Variants in RERE observed in about 807,000 individuals in gnomAD.
The protein encoded by RERE is arginine-glutamic acid dipeptide repeats protein.
In RERE, 40 loss-of-function variants were observed where a neutral mutation model predicts 146.1. The observed-to-expected ratio is 0.27, with a 90% confidence interval of 0.21 to 0.36. RERE has a LOEUF of 0.36. RERE is among the 10% of genes least tolerant of loss of function. The probability of loss-of-function intolerance (pLI) is 1.00; values close to 1 mark genes in which losing one functional copy is unlikely to be tolerated. For synonymous variants in RERE, 1,003 were observed against 866.0 expected (o/e 1.16, Z -2.78); for missense variants, 1,933 against 2,138.7 (o/e 0.90, Z 1.90).
intron 4 of RERE, among the ~76,000 whole-genome samples, chr1:8,607,435 A>G (rs1320226752): frequency 1.3e-5 from 2 of 151,170 alleles, no homozygotes; most frequent in Non-Finnish European, 2.9e-5. Context: ...AATAAGTAAA[A>G]CCACAAGCTT....
chr1:8,713,037 A>T (rs1352511744), intron 1 of RERE, among the ~76,000 whole-genome samples: 1 of 152,200 alleles, frequency 6.6e-6, no homozygotes, highest in Non-Finnish European at 1.5e-5. Flanking sequence ...ATAACTAGAA[A>T]AGCACATTAT....
At chr1:8,610,643 G>C (rs1358843491) in intron 4 of RERE, among the ~76,000 whole-genome samples, 1 of 152,060 alleles carries the variant, frequency 6.6e-6, no homozygotes, top group Non-Finnish European at 1.5e-5. Context: ...TATAATTCAA[G>C]TCTTACAGGA....
intron 12 of RERE, among the ~76,000 whole-genome samples, chr1:8,373,227 T>C (rs1441096207): frequency 6.6e-6 from 1 of 152,162 alleles, no homozygotes; most frequent in Non-Finnish European, 1.5e-5. Context: ...ACAAATATTT[T>C]AACATGAATA....
chr1:8,491,230 C>G (rs559836531), intron 10 of RERE, among the ~76,000 whole-genome samples: 2 of 150,728 alleles, frequency 1.3e-5, no homozygotes, highest in South Asian at 4.2e-4. Flanking sequence ...CACCTGAGAT[C>G]GGGAGTTCGA....
intron 1 of RERE, among the ~76,000 whole-genome samples, chr1:8,710,927 C>T (rs1167627863): frequency 2.6e-5 from 4 of 151,872 alleles, no homozygotes; most frequent in African/African-American, 9.7e-5. Flanking sequence ...GAGGCCAAGG[C>T]GGGTGGATCA....
At chr1:8,471,376 G>A (rs143270045) in intron 10 of RERE, among the ~76,000 whole-genome samples, 16 of 151,968 alleles carry the variant, frequency 1.1e-4, no homozygotes, top group South Asian at 2.1e-4. Flanking sequence ...GCAGTGGCAC[G>A]ATCATGGCTC....
intron 1 of RERE, among the ~76,000 whole-genome samples, chr1:8,722,749 A>G (rs1321616095): frequency 1.3e-5 from 2 of 152,244 alleles, no homozygotes; most frequent in African/African-American, 4.8e-5. Flanking sequence ...GATGTAAAGT[A>G]TAAGGGAGGA....
chr1:8,452,909 G>C (rs563598736), intron 11 of RERE, among the ~76,000 whole-genome samples: 1 of 152,128 alleles, frequency 6.6e-6, no homozygotes, highest in African/African-American at 2.4e-5. Flanking sequence ...TCTTCGTAAC[G>C]GAATGCCTGA....
chr1:8,728,616 C>T (rs1454887012), intron 1 of RERE, among the ~76,000 whole-genome samples: 1 of 152,160 alleles, frequency 6.6e-6, no homozygotes, highest in Non-Finnish European at 1.5e-5. Flanking sequence ...GCACCTAAAA[C>T]GGAATTTTCT....
chr1:8,807,550 T>C (rs145053283), intron 1 of RERE, among the ~76,000 whole-genome samples: 267 of 152,298 alleles, frequency 1.8e-3, no homozygotes, highest in African/African-American at 6.1e-3. Context: ...TTTCCCTCAA[T>C]TGCCTTTCTT....
chr1:8,808,362 A>G (rs1641729930), intron 1 of RERE, among the ~76,000 whole-genome samples: 1 of 152,130 alleles, frequency 6.6e-6, no homozygotes, highest in South Asian at 2.1e-4. Context: ...GAGTTCACCC[A>G]TTGTCTCCTG....
In RERE at chr1:8,498,704, A is replaced by T. The variant is rs796310051; in HGVS notation, c.880-1175T>A. ...GAGCAAGACTCCATCTCAAAAAAAA[A>T]AAAAATAAAAAAAAAAAAATAAATA... is the stretch of plus-strand genomic sequence containing the variant. On this transcript the variant is annotated intron_variant, in intron 8 of 22. Coordinates refer to ENST00000400908, the MANE Select transcript of RERE (RefSeq NM_001042681.2). Among the ~76,000 whole-genome samples the T allele has an allele frequency of 4.5e-4, 61 of 134,622 alleles. 1 individual carries two copies. The highest frequency in any genetic ancestry group is 1.4e-3 in the South Asian group (6 of 4,362). The allele number at this position is 134,622 out of a possible 152,430, so 88.3% of individuals were successfully genotyped here. A position where few individuals can be genotyped will look rare whatever the true frequency, so the allele number is the denominator to read the frequency against.
At chr1:8,707,128 C>T (rs1272904396) in intron 1 of RERE, among the ~76,000 whole-genome samples, 2 of 152,100 alleles carry the variant, frequency 1.3e-5, no homozygotes, top group South Asian at 4.2e-4. Flanking sequence ...CCATAACACC[C>T]GTCATTTATC....
At chr1:8,640,811 G>A (rs1326478054) in intron 2 of RERE, among the ~76,000 whole-genome samples, 5 of 151,996 alleles carry the variant, frequency 3.3e-5, no homozygotes, top group Non-Finnish European at 7.4e-5. Context: ...TCTATCTCTG[G>A]TACTTACAAT....
At chr1:8,779,184 C>T (rs1388813088) in intron 1 of RERE, among the ~76,000 whole-genome samples, 3 of 151,982 alleles carry the variant, frequency 2.0e-5, no homozygotes, top group Non-Finnish European at 4.4e-5. Flanking sequence ...ATCACTTAGA[C>T]TCTATCCTAA....
intron 1 of RERE, among the ~76,000 whole-genome samples, chr1:8,760,840 C>G (rs972206564): frequency 1.6e-4 from 25 of 152,158 alleles, no homozygotes; most frequent in African/African-American, 5.8e-4. Context: ...GTGGAGCCAG[C>G]AAGACTCTCA....
At chr1:8,667,570 G>A (rs1638606217) in intron 1 of RERE, among the ~76,000 whole-genome samples, 1 of 152,132 alleles carries the variant, frequency 6.6e-6, no homozygotes, top group Non-Finnish European at 1.5e-5. Context: ...CCAGCTACTT[G>A]GGAGGCTGAG....
At position 8,358,516 on chromosome 1, in the gene RERE, G is replaced by T; in HGVS notation, c.4019C>A (p.Ala1340Asp). The T allele has an allele frequency of 6.3e-7, 1 of 1,592,684 alleles. No individual in the cohort carries two copies. Among genetic ancestry groups the T allele is most frequent in the South Asian group, 1.1e-5 (1 of 87,786 alleles). ...KPPELDPLHP[A>D]ANPMEHFARH... The stretch of plus-strand genomic sequence containing the variant: ...GGCAAAGTGCTCCATGGGGTTGGCG[G>T]CTGGGTGCAGGGGGTCCAGCTCTGG... The change falls in exon 20 of 23, where the codon GCC becomes GAC. Residue 1340 changes from alanine (A) to aspartate (D), a missense_variant. This residue lies in a region of RERE where 1,255 missense variants were observed against 1,153.8 expected (regional missense o/e 1.09). Coordinates refer to ENST00000400908, the MANE Select transcript of RERE (RefSeq NM_001042681.2).
chr1:8,780,556 C>G (rs773695443), intron 1 of RERE, among the ~76,000 whole-genome samples: 4 of 152,058 alleles, frequency 2.6e-5, no homozygotes, highest in Non-Finnish European at 5.9e-5. Flanking sequence ...CAGGGTATAC[C>G]AAAATATCAA....
Sources: gnomAD v4.1 joint callset for allele counts (sites outside exome capture counted in the v4.1 genomes callset) on GRCh38, gnomAD v4.1.1 for gene constraint, gnomAD v4.1.1 regional missense constraint, MANE v1.5 for transcripts, NCBI Gene and HGNC (gene_info 2026-07-23, HGNC 2026-07-21) for gene names.